Variants in CSMD1 observed in about 807,000 individuals in gnomAD.
CSMD1 encodes CUB and sushi domain-containing protein 1.
CSMD1 carries 213 observed loss-of-function variants against 417.5 expected under a neutral mutation model. The observed-to-expected ratio is 0.51, with a 90% CI of 0.46 to 0.57. The LOEUF is 0.57. Ranked by LOEUF, CSMD1 falls within the 20% of genes least tolerant of loss-of-function variation. The probability of loss-of-function intolerance (pLI) is 0.00; values close to 1 mark genes in which losing one functional copy is unlikely to be tolerated. For missense variants in CSMD1, 6,923 were observed against 4,529.7 expected (o/e 1.53, Z -15.17); for synonymous variants, 2,862 against 1,736.8 (o/e 1.65, Z -16.11).
chr8:4,094,512 A>C (rs534273078), intron 3 of CSMD1, among the ~76,000 whole-genome samples: 1 of 152,282 alleles, frequency 6.6e-6, no homozygotes, highest in South Asian at 2.1e-4. Context: ...AGGGTGGAGG[A>C]ATCTAACTTT....
At chr8:3,836,893 AT>A (rs1261213053) in intron 5 of CSMD1, among the ~76,000 whole-genome samples, 4 of 150,946 alleles carry the variant, frequency 2.6e-5, no homozygotes, top group South Asian at 2.1e-4. Flanking sequence ...GTTCTTTAAC[AT>A]TTTTTTTTCA....
At chr8:4,403,474 A>G (rs536373429) in intron 3 of CSMD1, among the ~76,000 whole-genome samples, 3 of 152,210 alleles carry the variant, frequency 2.0e-5, no homozygotes, top group South Asian at 4.2e-4. Context: ...CCAATGACCT[A>G]CTTATGGTGA....
At chr8:3,993,795 C>A (rs1259951400) in intron 5 of CSMD1, among the ~76,000 whole-genome samples, 2 of 152,194 alleles carry the variant, frequency 1.3e-5, no homozygotes, top group African/African-American at 4.8e-5. Context: ...GATCACACAA[C>A]CTGTTTGTTT....
intron 12 of CSMD1, among the ~76,000 whole-genome samples, chr8:3,441,126 T>A (rs933182189): frequency 1.3e-5 from 2 of 151,988 alleles, no homozygotes; most frequent in Non-Finnish European, 2.9e-5. Flanking sequence ...GTTCCAGCGG[T>A]GCCACTGTTA....
Position 3,223,784 on chromosome 8 carries a change from A to G in CSMD1, c.4429T>C (p.Cys1477Arg), listed in dbSNP as rs1006699534. 1 of 1,613,954 alleles carries G rather than the reference A, an allele frequency of 6.2e-7. No individual in the cohort carries two copies. The highest frequency in any genetic ancestry group is 1.7e-5 in the Admixed American group (1 of 60,022). The stretch of plus-strand genomic sequence containing the variant: ...GGGTTCACTTTTACTCTCCAGTCAC[A>G]TTCCTTCCCAGGAGGATACGGCTGT... ...YPQPYPPGKE[C>R]DWRVKVNPDF... Residue 1477 changes from cysteine to arginine, a missense_variant, in exon 28 of 70, where the codon TGT becomes CGT. Cys to Arg is a radical substitution (Grantham distance 180). Coordinates refer to ENST00000635120, the MANE Select transcript of CSMD1 (RefSeq NM_033225.6).
At chr8:4,019,882 G>C (rs1010229633) in intron 4 of CSMD1, among the ~76,000 whole-genome samples, 1 of 146,446 alleles carries the variant, frequency 6.8e-6, no homozygotes, top group Admixed American at 6.9e-5. Context: ...CAGTCTGCTA[G>C]TTTCTTATTC....
At chr8:3,553,151 C>A (rs568968213) in intron 10 of CSMD1, among the ~76,000 whole-genome samples, 1 of 151,548 alleles carries the variant, frequency 6.6e-6, no homozygotes, top group Admixed American at 6.6e-5. Flanking sequence ...GAAAGACCTA[C>A]TCTGAATATC....
chr8:4,085,938 T>G (rs1011495836), intron 3 of CSMD1, among the ~76,000 whole-genome samples: 4 of 152,170 alleles, frequency 2.6e-5, no homozygotes, highest in Admixed American at 6.5e-5. Context: ...GGCTCTGTAT[T>G]ATTTCTTACA....
At chr8:3,751,336 A>C (rs1322288906) in intron 6 of CSMD1, among the ~76,000 whole-genome samples, 1 of 126,520 alleles carries the variant, frequency 7.9e-6, no homozygotes, top group Non-Finnish European at 1.8e-5. Flanking sequence ...GTATATATAT[A>C]TATATACACG....
At position 3,110,054 on chromosome 8, in the gene CSMD1, G is replaced by A. The variant is rs898509; in HGVS notation, c.6608+104C>T. ...GGTGAATTTCTTCTCTAGTATCTAA[G>A]AAGTTTATTCTAAATATGTGCCTTG... On this transcript the variant is annotated intron_variant, in intron 43 of 69. Transcript: ENST00000635120. The A allele has an allele frequency of 8.4e-6, 8 of 954,800 alleles. No individual in the cohort carries two copies. In the African/African-American group the frequency reaches 1.0e-4, roughly 12 times the overall value. The allele number at this position is 954,800 out of a possible 1,614,324, so 59.1% of individuals were successfully genotyped here. A position where few individuals can be genotyped will look rare whatever the true frequency, so the allele number is the denominator to read the frequency against.
chr8:4,900,524 G>A (rs1015147729), intron 1 of CSMD1, among the ~76,000 whole-genome samples: 10 of 152,098 alleles, frequency 6.6e-5, no homozygotes, highest in African/African-American at 1.9e-4. Flanking sequence ...GCCAGTCTCT[G>A]ATTTCTACAC....
intron 5 of CSMD1, among the ~76,000 whole-genome samples, chr8:3,846,346 C>G (rs1172845975): frequency 6.6e-6 from 1 of 152,100 alleles, no homozygotes; most frequent in African/African-American, 2.4e-5. Flanking sequence ...TTTACATGGT[C>G]CATAGCTGAT....
At chr8:4,931,490 C>T (rs866730873) in intron 1 of CSMD1, among the ~76,000 whole-genome samples, 1 of 152,172 alleles carries the variant, frequency 6.6e-6, no homozygotes, top group Non-Finnish European at 1.5e-5. Context: ...CATGGAAACA[C>T]ATGTTATTAT....
intron 2 of CSMD1, among the ~76,000 whole-genome samples, chr8:4,583,274 G>C (rs1174504211): frequency 6.6e-6 from 1 of 152,224 alleles, no homozygotes; most frequent in Admixed American, 6.5e-5. Context: ...GACCCACCGA[G>C]TGAAGCCAGC....
intron 1 of CSMD1, among the ~76,000 whole-genome samples, chr8:4,873,440 A>C (rs978145061): frequency 6.6e-6 from 1 of 152,126 alleles, no homozygotes; most frequent in Non-Finnish European, 1.5e-5. Context: ...TAACTCAGAG[A>C]ATATTCCCTT....
In CSMD1 at chr8:3,490,796, C is replaced by T. The variant is rs531178355; in HGVS notation, c.1448+2827G>A. Among the ~76,000 whole-genome samples the T allele has an allele frequency of 7.2e-4, 110 of 152,208 alleles. No homozygotes were observed. The Middle Eastern group carries it at 0.014, about 19-fold the overall frequency. ...AAAGGCAGGCAGTGTGTGCGACGAT[C>T]GCCTTAGAAGCTTGCCCAAAATATA... On this transcript the variant is annotated intron_variant, in intron 11 of 69. Coordinates refer to ENST00000635120, the MANE Select transcript of CSMD1 (RefSeq NM_033225.6).
intron 1 of CSMD1, among the ~76,000 whole-genome samples, chr8:4,659,032 T>C (rs1336694734): frequency 6.6e-6 from 1 of 152,082 alleles, no homozygotes; most frequent in Non-Finnish European, 1.5e-5. Flanking sequence ...GAAGTCAAAA[T>C]GGTACACTAC....
chr8:4,734,281 T>C (rs760446849), intron 1 of CSMD1, among the ~76,000 whole-genome samples: 3 of 152,172 alleles, frequency 2.0e-5, no homozygotes, highest in Non-Finnish European at 2.9e-5. Context: ...AAATGTGATA[T>C]ATTGAGCAGT....
At chr8:4,096,066 T>C (rs1209940071) in intron 3 of CSMD1, among the ~76,000 whole-genome samples, 1 of 150,846 alleles carries the variant, frequency 6.6e-6, no homozygotes, top group Non-Finnish European at 1.5e-5. Context: ...GTAACTACAG[T>C]GTTGTTTTAT....
Sources: gnomAD v4.1 joint callset for allele counts (sites outside exome capture counted in the v4.1 genomes callset) on GRCh38, gnomAD v4.1.1 for gene constraint, MANE v1.5 for transcripts, NCBI Gene and HGNC (gene_info 2026-07-23, HGNC 2026-07-21) for gene names.